The following NEURL1 variants were observed in gnomAD, a reference collection of about 807,000 sequenced individuals.
NEURL1 encodes neuralized E3 ubiquitin protein ligase 1, also known as E3 ubiquitin-protein ligase NEURL1.
NEURL1 carries 26 observed loss-of-function variants against 41.2 expected under a neutral mutation model. The ratio of observed to expected loss-of-function variants is 0.63; its 90% CI spans 0.46 to 0.87. The LOEUF is 0.87. NEURL1 is among the 40% of genes least tolerant of loss of function. The pLI, the probability that NEURL1 is intolerant of heterozygous loss-of-function variation, is 0.00. For missense variants in NEURL1, 761 were observed against 871.1 expected (o/e 0.87, Z 1.59); for synonymous variants, 400 against 402.3 (o/e 0.99, Z 0.07).
intron 1 of NEURL1, among the ~76,000 whole-genome samples, chr10:103,532,916 TCTC>T (rs2034601357): frequency 1.4e-5 from 2 of 142,600 alleles, no homozygotes; most frequent in African/African-American, 2.6e-5. Context: ...TTCCTTCTCT[TCTC>T]CTTTTTTTTT....
intron 1 of NEURL1, among the ~76,000 whole-genome samples, chr10:103,522,333 G>T (rs1314506569): frequency 6.6e-6 from 1 of 151,902 alleles, no homozygotes; most frequent in Admixed American, 6.6e-5. Context: ...TCTTGCCAGG[G>T]ATGGTGGCTC....
chr10:103,574,673 C>G (rs1363446745), intron 3 of NEURL1, among the ~76,000 whole-genome samples: 3 of 152,232 alleles, frequency 2.0e-5, no homozygotes, highest in African/African-American at 7.2e-5. Context: ...TGGAACACGA[C>G]AGACGGGCTT....
intron 3 of NEURL1, among the ~76,000 whole-genome samples, chr10:103,580,125 T>A (rs2035755468): frequency 6.6e-6 from 1 of 151,630 alleles, no homozygotes; most frequent in Non-Finnish European, 1.5e-5. Flanking sequence ...GGGAAACACA[T>A]GGCCGGGACC....
intron 1 of NEURL1, among the ~76,000 whole-genome samples, chr10:103,559,513 G>T (rs1411017586): frequency 6.6e-6 from 1 of 151,972 alleles, no homozygotes; most frequent in Admixed American, 6.5e-5. Context: ...GGTGAGGCCA[G>T]GGCTGGGCAG....
In NEURL1 at chr10:103,592,229, G is replaced by A. The variant is rs2036066512; in HGVS notation, c.*1857G>A. The A allele has an allele frequency of 1.3e-5, 2 of 152,300 alleles. No individual in the cohort carries two copies. The highest frequency in any genetic ancestry group is 4.1e-4 in the South Asian group (2 of 4,822). The allele number at this position is 152,300 out of a possible 1,614,324, so 9.4% of individuals were successfully genotyped here. A position where few individuals can be genotyped will look rare whatever the true frequency, so the allele number is the denominator to read the frequency against. ...AGGGGCAGGCTTTCTGTGTGACTCG[G>A]GAGTTCTTCCGTGAGGGCTGCCAGG... On this transcript the variant is annotated 3_prime_UTR_variant, in exon 6 of 6. Coordinates refer to ENST00000369780, the MANE Select transcript of NEURL1 (RefSeq NM_004210.5). The surrounding 1 kb of genome is among the most constrained non-coding windows in gnomAD (Gnocchi z 4.8).
intron 1 of NEURL1, among the ~76,000 whole-genome samples, chr10:103,533,727 G>A (rs554763115): frequency 7.0e-4 from 107 of 152,184 alleles, no homozygotes; most frequent in South Asian, 1.5e-3. Context: ...TAGTAGAGAC[G>A]GGGTTTCACC....
chr10:103,584,153 G>C (rs1169090794), intron 3 of NEURL1, among the ~76,000 whole-genome samples: 3 of 152,164 alleles, frequency 2.0e-5, no homozygotes, highest in Non-Finnish European at 2.9e-5. Context: ...TTTGTCAACA[G>C]AATGCTTGGC....
intron 1 of NEURL1, among the ~76,000 whole-genome samples, chr10:103,506,991 C>T (rs2033963170): frequency 6.6e-6 from 1 of 152,216 alleles, no homozygotes; most frequent in South Asian, 2.1e-4. Context: ...TGCTTGGTTC[C>T]TGGTGGAAGG....
chr10:103,501,387 G>A (rs1216415216), intron 1 of NEURL1, among the ~76,000 whole-genome samples: 5 of 152,036 alleles, frequency 3.3e-5, no homozygotes, highest in African/African-American at 9.7e-5. Flanking sequence ...AGGGCTGGGC[G>A]TGACAGCCAA....
rs2035839454 is a variant in NEURL1 at position 103,583,901 on chromosome 10, T to C, written c.650-635T>C. On this transcript the variant is annotated intron_variant, in intron 3 of 5. Transcript: ENST00000369780. ...ACCGTTTTATATTTTGTATAACTTG[T>C]ATGATTTAAAAAAGAACGATGAGTT... Among the ~76,000 whole-genome samples the C allele has an allele frequency of 2.6e-5, 4 of 152,068 alleles. No homozygotes were observed. The South Asian group carries it at 8.3e-4, about 32-fold the overall frequency.
At chr10:103,578,546 C>T (rs2035715375) in intron 3 of NEURL1, among the ~76,000 whole-genome samples, 1 of 152,182 alleles carries the variant, frequency 6.6e-6, no homozygotes, top group Non-Finnish European at 1.5e-5. Context: ...TCAGCCAGAA[C>T]TTGGGGTTCT....
intron 1 of NEURL1, among the ~76,000 whole-genome samples, chr10:103,541,171 T>C (rs1206452110): frequency 2.0e-5 from 3 of 152,014 alleles, no homozygotes; most frequent in Non-Finnish European, 4.4e-5. Flanking sequence ...CACAACTGGG[T>C]AGTAGTAGTC....
intron 1 of NEURL1, chr10:103,515,377 G>A (rs1172369127): frequency 6.6e-6 from 1 of 152,210 alleles, no homozygotes; most frequent in Non-Finnish European, 1.5e-5. Flanking sequence ...CTGGGACGTA[G>A]GAGGCTGTAA....
Position 103,585,016 on chromosome 10 carries a change from T to C in NEURL1, c.1130T>C (p.Leu377Pro). 6.3e-7 allele frequency: 1 copy of C among 1,580,894 alleles called. No individual in the cohort carries two copies. Among genetic ancestry groups the C allele is most frequent in the Non-Finnish European group, 8.5e-7 (1 of 1,171,888 alleles). ...GACCTGCCTTTCAGCCCTGAGGCCC[T>C]GGTGGACCGCAAGGAATTCTGGGCC... The part of the protein sequence containing the change: ...PADLPFSPEA[L>P]VDRKEFWAVC... The change falls in exon 4 of 6, where the codon CTG (leucine) becomes CCG (proline). Residue 377 changes from leucine to proline, a missense_variant. This residue lies in a region of NEURL1 where 443 missense variants were observed against 408.1 expected (regional missense o/e 1.09). Coordinates refer to ENST00000369780, the MANE Select transcript of NEURL1 (RefSeq NM_004210.5).
intron 1 of NEURL1, among the ~76,000 whole-genome samples, chr10:103,559,263 A>G (rs1212538222): frequency 6.6e-6 from 1 of 152,136 alleles, no homozygotes; most frequent in African/African-American, 2.4e-5. Context: ...CCGGAGCTTG[A>G]AGGTGCACAT....
chr10:103,537,669 C>T (rs778270672), intron 1 of NEURL1, among the ~76,000 whole-genome samples: 17 of 152,220 alleles, frequency 1.1e-4, no homozygotes, highest in Non-Finnish European at 2.1e-4. Flanking sequence ...GCTGGGATTA[C>T]AGGCGTGAGC....
chr10:103,590,150 G>A lies in NEURL1; in HGVS notation c.1503G>A (p.Ser501=), dbSNP rs138244046. The change falls in exon 6 of 6, where the codon TCG becomes TCA. Residue 501 remains serine (S), a synonymous_variant. Coordinates refer to ENST00000369780, the MANE Select transcript of NEURL1 (RefSeq NM_004210.5). The stretch of plus-strand genomic sequence containing the variant: ...TGTCCTCAGGGACAGCCCCCAATTC[G>A]CCAGTGAGCCTGCCCGAGTCGCCAG... ...GSSAGGTAPN[S]PVSLPESPVT... The A allele has an allele frequency of 9.9e-6, 16 of 1,613,758 alleles. No homozygotes were observed. The highest frequency in any genetic ancestry group is 5.5e-5 in the South Asian group (5 of 91,080).
intron 1 of NEURL1, among the ~76,000 whole-genome samples, chr10:103,559,288 C>T (rs1267498774): frequency 3.3e-5 from 5 of 152,162 alleles, no homozygotes; most frequent in Admixed American, 6.5e-5. Context: ...ACACCTGGCT[C>T]GTGCCTGTGG....
intron 1 of NEURL1, among the ~76,000 whole-genome samples, chr10:103,534,180 A>AC: frequency 7.2e-6 from 1 of 138,672 alleles, no homozygotes; most frequent in Non-Finnish European, 1.5e-5. Flanking sequence ...GTCTATCTGT[A>AC]TTTTTTTTTT....
Sources: gnomAD v4.1 joint callset for allele counts (sites outside exome capture counted in the v4.1 genomes callset) on GRCh38, gnomAD v4.1.1 for gene constraint, gnomAD v4.1.1 regional missense constraint, Gnocchi (gnomAD v3.1) non-coding constraint, MANE v1.5 for transcripts, NCBI Gene and HGNC (gene_info 2026-07-23, HGNC 2026-07-21) for gene names.